Variants in BBS9 observed in about 807,000 individuals in gnomAD.
BBS9 encodes Bardet-Biedl syndrome 9.
A neutral mutation model predicts 117.7 loss-of-function variants in BBS9; 89 were observed. The ratio of observed to expected loss-of-function variants is 0.76; its 90% CI spans 0.64 to 0.90. BBS9 has a LOEUF of 0.90. Among genes scored for constraint, BBS9 ranks in the 40% least tolerant of loss-of-function variants. The pLI is 0.00. For synonymous variants in BBS9, 379 were observed against 370.9 expected (o/e 1.02, Z -0.25); for missense variants, 982 against 1,042.2 (o/e 0.94, Z 0.80).
chr7:33,515,763 CA>C (rs1187195900), intron 20 of BBS9, among the ~76,000 whole-genome samples: 1 of 152,158 alleles, frequency 6.6e-6, no homozygotes, highest in Non-Finnish European at 1.5e-5. Flanking sequence ...AAGCATAACA[CA>C]GTTTATTCTA....
intron 21 of BBS9, among the ~76,000 whole-genome samples, chr7:33,535,664 T>C (rs1300201049): frequency 6.6e-6 from 1 of 152,194 alleles, no homozygotes; most frequent in Non-Finnish European, 1.5e-5. Context: ...TCCTAAGAGA[T>C]ATTTAGGCTT....
intron 5 of BBS9, among the ~76,000 whole-genome samples, chr7:33,194,089 T>C (rs952701092): frequency 6.6e-6 from 1 of 152,234 alleles, no homozygotes; most frequent in African/African-American, 2.4e-5. Flanking sequence ...TCCTGCTTTT[T>C]TCTTTTTGCA....
At chr7:33,618,753 A>C (rs1403038732) in intron 21 of BBS9, among the ~76,000 whole-genome samples, 4 of 152,144 alleles carry the variant, frequency 2.6e-5, no homozygotes, top group African/African-American at 9.7e-5. Flanking sequence ...AAGATTTATC[A>C]TATGCAAGTG....
intron 21 of BBS9, among the ~76,000 whole-genome samples, chr7:33,544,068 G>A (rs1205955317): frequency 6.6e-6 from 1 of 151,944 alleles, no homozygotes; most frequent in Non-Finnish European, 1.5e-5. Context: ...TTTTCTTTAA[G>A]CTATCTATTT....
At chr7:33,472,640 T>C (rs1200066554) in intron 19 of BBS9, among the ~76,000 whole-genome samples, 2 of 152,188 alleles carry the variant, frequency 1.3e-5, no homozygotes, top group African/African-American at 2.4e-5. Context: ...AAAGAGGTAA[T>C]TGTAGAATAC....
At chr7:33,219,920 A>G (rs1015302123) in intron 5 of BBS9, among the ~76,000 whole-genome samples, 1 of 151,912 alleles carries the variant, frequency 6.6e-6, no homozygotes, top group Non-Finnish European at 1.5e-5. Flanking sequence ...GAGCTGTAAC[A>G]CTCACCGCGA....
chr7:33,194,309 C>A (rs192782990), intron 5 of BBS9, among the ~76,000 whole-genome samples: 53 of 152,174 alleles, frequency 3.5e-4, no homozygotes, highest in African/African-American at 1.2e-3. Context: ...CCTCCTTCTC[C>A]TTATGTGGAG....
At chr7:33,345,081 G>T (rs1007332782) in intron 12 of BBS9, among the ~76,000 whole-genome samples, 3 of 152,170 alleles carry the variant, frequency 2.0e-5, no homozygotes, top group African/African-American at 7.2e-5. Context: ...TGTTTGAAAA[G>T]AATTTCCAGC....
chr7:33,143,019 G>T (rs1791754159), intron 1 of BBS9, among the ~76,000 whole-genome samples: 1 of 152,066 alleles, frequency 6.6e-6, no homozygotes, highest in Admixed American at 6.6e-5. Flanking sequence ...GCCCAGGCAG[G>T]AGTGCAGTGG....
intron 19 of BBS9, among the ~76,000 whole-genome samples, chr7:33,483,696 T>C (rs980090461): frequency 1.3e-5 from 2 of 152,092 alleles, no homozygotes; most frequent in African/African-American, 4.8e-5. Context: ...AGTGGCGTGA[T>C]CATGCCTCAC....
At chr7:33,481,137 G>C (rs751496055) in intron 19 of BBS9, among the ~76,000 whole-genome samples, 23 of 152,274 alleles carry the variant, frequency 1.5e-4, no homozygotes, top group Admixed American at 9.8e-4. Flanking sequence ...GGTGGAACTT[G>C]TATTTAACCT....
Position 33,152,687 on chromosome 7 carries a change from TAA to T in BBS9, c.113-12_113-11del. ...GTTTCTCCCTCTATCTTTTTTTTTT[TAA>T]ATTCTCTACAGATAAAATAATTGTG... On this transcript the variant is annotated splice_polypyrimidine_tract_variant and intron_variant, in intron 2 of 22. Transcript: ENST00000242067. 1 of 1,599,430 alleles carries T rather than the reference TAA, an allele frequency of 6.3e-7. No homozygotes were observed. Among genetic ancestry groups the T allele is most frequent in the Non-Finnish European group, 8.5e-7 (1 of 1,169,896 alleles).
intron 9 of BBS9, among the ~76,000 whole-genome samples, chr7:33,294,296 TC>T (rs1804729493): frequency 1.2e-4 from 3 of 24,372 alleles, no homozygotes; most frequent in South Asian, 2.4e-3. Flanking sequence ...CTATCATCTA[TC>T]TATCTATCTA....
At chr7:33,182,019 G>A (rs937166649) in intron 5 of BBS9, among the ~76,000 whole-genome samples, 17 of 152,262 alleles carry the variant, frequency 1.1e-4, no homozygotes, top group Admixed American at 7.2e-4. Context: ...CCCAGGAGGC[G>A]GAGCTTGCAG....
intron 12 of BBS9, among the ~76,000 whole-genome samples, chr7:33,346,873 A>T (rs1477128943): frequency 7.9e-5 from 12 of 152,246 alleles, no homozygotes; most frequent in Non-Finnish European, 1.5e-5. Context: ...CTGAGTTCTC[A>T]TAAGACTTTC....
intron 7 of BBS9, among the ~76,000 whole-genome samples, chr7:33,270,471 C>T (rs780246543): frequency 1.6e-4 from 25 of 152,108 alleles, no homozygotes; most frequent in Admixed American, 1.1e-3. Flanking sequence ...AATCACAATA[C>T]AATGATACAA....
At position 33,216,155 on chromosome 7, in the gene BBS9, G is replaced by A. The variant is rs138685877; in HGVS notation, c.442+38564G>A. Among the ~76,000 whole-genome samples, 614 of 152,284 alleles carry A rather than the reference G, an allele frequency of 4.0e-3. 4 individuals are homozygous for A. Among genetic ancestry groups the A allele is most frequent in the African/African-American group, 0.014 (588 of 41,556 alleles). On this transcript the variant is annotated intron_variant, in intron 5 of 22. Transcript: ENST00000242067. ...CTGACACTAGGCCACTGGGCTTTCT[G>A]TGTTCTTGTTAAATATACAATGTCA... is the stretch of plus-strand genomic sequence containing the variant.
intron 19 of BBS9, among the ~76,000 whole-genome samples, chr7:33,504,285 C>G (rs112978723): frequency 6.6e-6 from 1 of 152,138 alleles, no homozygotes. Context: ...GAATCTTGGT[C>G]GCCCCAGCAA....
At chr7:33,474,743 G>A (rs531813131) in intron 19 of BBS9, among the ~76,000 whole-genome samples, 1 of 152,216 alleles carries the variant, frequency 6.6e-6, no homozygotes, top group East Asian at 1.9e-4. Flanking sequence ...GTCAGAAGTT[G>A]AAGACCAGCC....
Sources: allele counts gnomAD v4.1 joint callset (sites outside exome capture counted in the v4.1 genomes callset), GRCh38; gene constraint gnomAD v4.1.1; transcripts MANE v1.5; gene names NCBI Gene and HGNC (gene_info 2026-07-23, HGNC 2026-07-21).